The following AFF3 variants were observed in gnomAD, a reference collection of about 807,000 sequenced individuals.
AFF3 encodes the protein ALF transcription elongation factor 3.
In AFF3, 32 loss-of-function variants were observed where a neutral mutation model predicts 129.7. The observed-to-expected ratio is 0.25, with a 90% CI of 0.19 to 0.33. The LOEUF is 0.33. Ranked by LOEUF, AFF3 falls within the 10% of genes least tolerant of loss-of-function variation. The probability of loss-of-function intolerance (pLI) is 1.00; values close to 1 mark genes in which losing one functional copy is unlikely to be tolerated. For missense variants in AFF3, 1,373 were observed against 1,592.0 expected (o/e 0.86, Z 2.34); for synonymous variants, 644 against 635.4 (o/e 1.01, Z -0.20).
intron 4 of AFF3, among the ~76,000 whole-genome samples, chr2:100,039,578 T>TC (rs890919038): frequency 2.0e-5 from 3 of 151,552 alleles, no homozygotes; most frequent in Non-Finnish European, 4.4e-5. Flanking sequence ...AAAAAGGCCC[T>TC]CCCCCATGGC....
intron 7 of AFF3, among the ~76,000 whole-genome samples, chr2:99,989,222 A>T (rs1325511202): frequency 6.6e-6 from 1 of 152,238 alleles, no homozygotes; most frequent in Non-Finnish European, 1.5e-5. Context: ...GATAGCAGTT[A>T]GAAATATGGC....
chr2:99,691,776 G>A (rs1351597008), intron 11 of AFF3, among the ~76,000 whole-genome samples: 1 of 152,170 alleles, frequency 6.6e-6, no homozygotes, highest in Non-Finnish European at 1.5e-5. Flanking sequence ...AGGGTGTGGG[G>A]TAATGGGATG....
chr2:99,565,750 A>G, intron 19 of AFF3, 127 bp from the exon 20 acceptor site: 1 of 1,079,484 alleles, frequency 9.3e-7, no homozygotes, highest in South Asian at 1.7e-5. Context: ...AAGCTGAGAG[A>G]AGAAAGAAAT....
In AFF3 at chr2:99,947,521, GAGAA is replaced by G. The variant is rs534199542; in HGVS notation, c.873+59107_873+59110del. Among the ~76,000 whole-genome samples the G allele has an allele frequency of 2.9e-3, 296 of 101,086 alleles. 2 individuals carry two copies. Among genetic ancestry groups the G allele is most frequent in the Non-Finnish European group, 3.7e-3 (183 of 48,974 alleles). The allele number at this position is 101,086 out of a possible 152,430, so 66.3% of individuals were successfully genotyped here. A position where few individuals can be genotyped will look rare whatever the true frequency, so the allele number is the denominator to read the frequency against. ...AAAGAAAGAAAGAAAAAGAGAGAGAGAGAAAGAAAGAAAGAAAAAGAGAGAAAGA... is the reference window on the plus strand; with the variant it reads ...AAAGAAAGAAAGAAAAAGAGAGAGAGAGAAAGAAAGAAAAAGAGAGAAAGA... On this transcript the variant is annotated intron_variant, in intron 7 of 24. Coordinates refer to ENST00000672756, the MANE Select transcript of AFF3 (RefSeq NM_001386135.1).
At chr2:99,614,065 C>A (rs1387888123) in intron 13 of AFF3, among the ~76,000 whole-genome samples, 5 of 151,976 alleles carry the variant, frequency 3.3e-5, no homozygotes, top group Admixed American at 2.0e-4. Context: ...TGTTTTGAGC[C>A]GATTTGGAAA....
chr2:100,009,155 C>G (rs1682271491), intron 4 of AFF3, among the ~76,000 whole-genome samples: 2 of 152,188 alleles, frequency 1.3e-5, no homozygotes, highest in Non-Finnish European at 2.9e-5. Context: ...CCAACCAGTA[C>G]TAGGTTTCTC....
chr2:100,080,567 G>A (rs1688967541), intron 4 of AFF3, among the ~76,000 whole-genome samples: 1 of 151,986 alleles, frequency 6.6e-6, no homozygotes, highest in South Asian at 2.1e-4. Context: ...AGGGAGGGAG[G>A]GAGGAAAGGA....
At chr2:99,851,892 G>GT (rs1553466175) in intron 7 of AFF3, among the ~76,000 whole-genome samples, 200 of 152,112 alleles carry the variant, frequency 1.3e-3, no homozygotes, top group African/African-American at 4.3e-3. Context: ...CAATATTAAC[G>GT]TTTTTTTCCC....
intron 11 of AFF3, among the ~76,000 whole-genome samples, chr2:99,700,911 C>T (rs547107237): frequency 2.6e-5 from 4 of 152,184 alleles, no homozygotes; most frequent in Non-Finnish European, 4.4e-5. Context: ...CTGACCTCCT[C>T]GGAGTGAGCG....
Position 99,971,846 on chromosome 2 carries a change from T to A in AFF3, c.873+34786A>T, listed in dbSNP as rs182000660. On this transcript the variant is annotated intron_variant, in intron 7 of 24. Transcript: ENST00000672756. ...TCAGTATGACTGATCTGGAAACATATCCTGATGCCTGGTTAAGAAAGCTTT... is the reference window on the plus strand; with the variant it reads ...TCAGTATGACTGATCTGGAAACATAACCTGATGCCTGGTTAAGAAAGCTTT... 2.3e-4 allele frequency among the ~76,000 whole-genome samples: 35 copies of A among 152,250 alleles called. 1 individual carries two copies. The highest frequency in any genetic ancestry group is 2.2e-3 in the Admixed American group (33 of 15,296).
intron 4 of AFF3, among the ~76,000 whole-genome samples, chr2:100,059,073 T>A (rs1687027115): frequency 6.6e-6 from 1 of 151,708 alleles, no homozygotes; most frequent in Non-Finnish European, 1.5e-5. Context: ...GCCAACATGG[T>A]GAAACCCCAT....
chr2:99,691,351 T>C (rs1675632698), intron 11 of AFF3, among the ~76,000 whole-genome samples: 1 of 152,208 alleles, frequency 6.6e-6, no homozygotes, highest in African/African-American at 2.4e-5. Context: ...GCTCCTGAAC[T>C]CCTGCAGCCT....
At chr2:99,751,149 AG>A (rs1681617518) in intron 9 of AFF3, among the ~76,000 whole-genome samples, 1 of 152,206 alleles carries the variant, frequency 6.6e-6, no homozygotes, top group African/African-American at 2.4e-5. Flanking sequence ...GCTGGAGTGC[AG>A]TGGCACAATC....
intron 4 of AFF3, among the ~76,000 whole-genome samples, chr2:100,028,963 C>T (rs1008971231): frequency 2.0e-5 from 3 of 152,158 alleles, no homozygotes; most frequent in African/African-American, 7.2e-5. Flanking sequence ...GATATCTACA[C>T]CCCCACGTCC....
chr2:100,122,362 T>C (rs1035643700), intron 2 of AFF3, among the ~76,000 whole-genome samples: 9 of 152,234 alleles, frequency 5.9e-5, no homozygotes, highest in Admixed American at 5.9e-4. Flanking sequence ...TCAAATTTAT[T>C]TATTATCACC....
In AFF3 at chr2:99,587,221, A is replaced by G. The variant is rs999156963; in HGVS notation, c.2524T>C (p.Ser842Pro). Residue 842 changes from serine to proline, a missense_variant, in exon 16 of 25, where the codon TCT becomes CCT. By Grantham distance (74) the Ser-to-Pro change is moderately conservative (BLOSUM62 -1). Around this residue, in one of 9 missense-constraint regions of AFF3, gnomAD observed 466 missense variants for 505.0 expected, o/e 0.92. Coordinates refer to ENST00000672756, the MANE Select transcript of AFF3 (RefSeq NM_001386135.1). Reference sequence around the variant, plus strand: ...CTGGTGGAGGTGGCCAGTCTTGAAGAGCTGTCTTTCTCTCCCTGGGACTTC... The same window carrying G: ...CTGGTGGAGGTGGCCAGTCTTGAAGGGCTGTCTTTCTCTCCCTGGGACTTC... ...IKKSQGEKDS[S>P]SRLATSTSNT... The G allele has an allele frequency of 6.8e-6, 11 of 1,614,050 alleles. No homozygotes were observed. In the Admixed American group the frequency reaches 1.0e-4, roughly 15 times the overall value.
intron 8 of AFF3, among the ~76,000 whole-genome samples, chr2:99,777,947 C>CAAAAAAAAAAAAAAAAA (rs576434643): frequency 1.8e-3 from 87 of 48,284 alleles, no homozygotes; most frequent in East Asian, 2.7e-3. Context: ...AAAGCAAAAG[C>CAAAAAAAAAAAAAAAAA]AAAAAAAAAA....
intron 19 of AFF3, 62 bp downstream of exon 19, chr2:99,568,790 G>A: frequency 6.7e-7 from 1 of 1,485,214 alleles, no homozygotes; most frequent in Non-Finnish European, 9.4e-7. Flanking sequence ...TATTGTCCCA[G>A]TGATGAAGCT....
chr2:99,992,977 T>C (rs906183880), intron 7 of AFF3, among the ~76,000 whole-genome samples: 6 of 152,198 alleles, frequency 3.9e-5, no homozygotes, highest in Non-Finnish European at 5.9e-5. Flanking sequence ...TGCACCTCTA[T>C]GGGCAGGATA....
Sources: allele counts gnomAD v4.1 joint callset (sites outside exome capture counted in the v4.1 genomes callset), GRCh38; gene constraint gnomAD v4.1.1; regional missense constraint gnomAD v4.1.1; transcripts MANE v1.5; gene names NCBI Gene and HGNC (gene_info 2026-07-23, HGNC 2026-07-21).